Variants in NALF2 observed in about 807,000 individuals in gnomAD.
The protein encoded by NALF2 is NALCN channel auxiliary factor 2, also known as bB57D9.1 (TED protein).
In NALF2, 1 loss-of-function variant was observed where a neutral mutation model predicts 24.8. The ratio of observed to expected loss-of-function variants is 0.04; its 90% CI spans 0.01 to 0.19. The LOEUF (loss-of-function observed/expected upper bound fraction) is 0.19. Ranked by LOEUF, NALF2 falls within the 10% of genes least tolerant of loss-of-function variation. The pLI is 1.00. For missense variants in NALF2, 458 were observed against 409.6 expected, an observed-to-expected ratio of 1.12 and a Z score of -1.02; for synonymous variants, 254 against 189.8, an observed-to-expected ratio of 1.34 and a Z score of -2.78.
At chrX:69,525,512 G>A (rs988766417) in intron 1 of NALF2, among the ~76,000 whole-genome samples, 2 of 108,826 alleles carry the variant, frequency 1.8e-5, no homozygotes, top group Non-Finnish European at 3.8e-5. Flanking sequence ...TCCCCTTCTT[G>A]CGCTCTCTTA....
Position 69,505,189 on chromosome X carries a change from C to A in NALF2, c.-94C>A. The A allele has an allele frequency of 1.1e-6, 1 of 924,395 alleles. No homozygotes were observed. Among genetic ancestry groups the A allele is most frequent in the Non-Finnish European group, 1.4e-6 (1 of 698,824 alleles). 76.2% of individuals were successfully genotyped at this position (924,395 alleles called of 1,213,427 possible). ...CCCCCGAGGTAGAGCCTGGACGGCG[C>A]CGAGGAGCGCAGAGCGGCGCGCAGC... On this transcript the variant is annotated 5_prime_UTR_variant, in exon 1 of 3. Transcript: ENST00000252338.
chrX:69,506,189 C>T (rs1397257864), intron 1 of NALF2, 46 bp downstream of exon 1: 2 of 1,162,897 alleles, frequency 1.7e-6, no homozygotes, highest in Non-Finnish European at 1.2e-6. Context: ...TGGGCAGCGG[C>T]AGCGGCCGCA....
chrX:69,520,064 C>A (rs1347882149), intron 1 of NALF2, among the ~76,000 whole-genome samples: 2 of 112,303 alleles, frequency 1.8e-5, no homozygotes, highest in African/African-American at 3.2e-5. Context: ...TCATCTGATT[C>A]TTTTCCTCCA....
chrX:69,515,871 T>G (rs1642220368), intron 1 of NALF2, among the ~76,000 whole-genome samples: 1 of 112,341 alleles, frequency 8.9e-6, no homozygotes, highest in African/African-American at 3.2e-5. Flanking sequence ...TGCATCTTCC[T>G]TATGAAGTAC....
At chrX:69,525,172 G>A (rs752175109) in intron 1 of NALF2, among the ~76,000 whole-genome samples, 9 of 112,202 alleles carry the variant, frequency 8.0e-5, no homozygotes, top group Non-Finnish European at 1.5e-4. Flanking sequence ...TGGGCTAATT[G>A]CAGTTGCCTG....
chrX:69,519,725 CAG>C (rs1166375648), intron 1 of NALF2, among the ~76,000 whole-genome samples: 2 of 112,381 alleles, frequency 1.8e-5, no homozygotes, highest in Non-Finnish European at 3.8e-5. Flanking sequence ...ACCAGGCTAA[CAG>C]AGGACTGGAA....
Position 69,531,033 on chromosome X carries a change from A to T in NALF2, c.*1077A>T, listed in dbSNP as rs1433960754. ...ATACTCCCCTATCTTGTCCTAGCCC[A>T]GGCCTCCATGAAGGAGAACCTGGTG... is the stretch of plus-strand genomic sequence containing the variant. On this transcript the variant is annotated 3_prime_UTR_variant, in exon 3 of 3. Transcript: ENST00000252338. 1.8e-5 allele frequency: 2 copies of T among 112,683 alleles called. No individual in the cohort carries two copies. The highest frequency in any genetic ancestry group is 2.8e-4 in the East Asian group (1 of 3,552). 9.3% of individuals were successfully genotyped at this position (112,683 alleles called of 1,213,427 possible).
At chrX:69,523,397 G>C (rs992450571) in intron 1 of NALF2, among the ~76,000 whole-genome samples, 1 of 111,960 alleles carries the variant, frequency 8.9e-6, no homozygotes. Flanking sequence ...GCCAGAGCCA[G>C]AGGGTAAGGC....
chrX:69,519,826 C>G (rs1320196520), intron 1 of NALF2, among the ~76,000 whole-genome samples: 2 of 111,527 alleles, frequency 1.8e-5, no homozygotes, highest in Non-Finnish European at 3.8e-5. Flanking sequence ...CAATTTTATT[C>G]CCTCACATTT....
chrX:69,523,431 CAACTGCAG>C (rs1930760068), intron 1 of NALF2, among the ~76,000 whole-genome samples: 1 of 112,161 alleles, frequency 8.9e-6, no homozygotes, highest in African/African-American at 3.2e-5. Flanking sequence ...CCTAGATTGG[CAACTGCAG>C]AGCCCAGGAG....
chrX:69,517,681 G>A (rs765787430), intron 1 of NALF2, among the ~76,000 whole-genome samples: 7 of 112,016 alleles, frequency 6.2e-5, no homozygotes, highest in Non-Finnish European at 1.3e-4. Flanking sequence ...TGAGGAGCCA[G>A]AAGGCAAGTG....
At chrX:69,522,221 A>G (rs751565653) in intron 1 of NALF2, among the ~76,000 whole-genome samples, 14 of 112,347 alleles carry the variant, frequency 1.2e-4, no homozygotes, top group Non-Finnish European at 2.3e-4. Flanking sequence ...CCAACAGCAG[A>G]TAGGGCAGTG....
rs1033100964 is a variant in NALF2 at position 69,530,072 on chromosome X, TGGG to T, written c.*119_*121del. ...TAGGATAAGGTGGGGGCGGGGGAAA[TGGG>T]GGAATGACACATCCCCCCCAACCTA... On this transcript the variant is annotated 3_prime_UTR_variant, in exon 3 of 3. Transcript: ENST00000252338. 6.1e-6 allele frequency: 3 copies of T among 495,524 alleles called. No homozygotes were observed. Among genetic ancestry groups the T allele is most frequent in the African/African-American group, 2.5e-5 (1 of 40,417 alleles). 40.8% of individuals were successfully genotyped at this position (495,524 alleles called of 1,213,427 possible).
chrX:69,525,940 A>G (rs1930801217), intron 1 of NALF2, among the ~76,000 whole-genome samples: 1 of 108,141 alleles, frequency 9.2e-6, no homozygotes, highest in African/African-American at 3.4e-5. Context: ...CCTGCCTCCT[A>G]TTTTCACCTG....
chrX:69,520,593 C>T (rs990327467), intron 1 of NALF2, among the ~76,000 whole-genome samples: 1 of 111,649 alleles, frequency 9.0e-6, no homozygotes, highest in South Asian at 3.8e-4. Flanking sequence ...TGTCCAACTG[C>T]CTCCTCAACA....
intron 1 of NALF2, among the ~76,000 whole-genome samples, chrX:69,525,085 A>G (rs905373494): frequency 5.4e-5 from 6 of 111,183 alleles, no homozygotes; most frequent in African/African-American, 1.6e-4. Flanking sequence ...CCCTTCCCCA[A>G]CCTACCCTGG....
intron 1 of NALF2, among the ~76,000 whole-genome samples, chrX:69,521,550 G>A (rs188046027): frequency 9.0e-6 from 1 of 111,725 alleles, no homozygotes; most frequent in East Asian, 2.8e-4. Context: ...TACCTCAAAC[G>A]TGCTCAGAAC....
At chrX:69,519,903 G>A (rs1455473384) in intron 1 of NALF2, among the ~76,000 whole-genome samples, 10 of 112,076 alleles carry the variant, frequency 8.9e-5, no homozygotes, top group Non-Finnish European at 1.9e-5. Flanking sequence ...TCACCATAAT[G>A]AGACTGCCTC....
chrX:69,518,657 G>A (rs764331341), intron 1 of NALF2, among the ~76,000 whole-genome samples: 9 of 111,309 alleles, frequency 8.1e-5, no homozygotes, highest in Admixed American at 6.6e-4. Context: ...TCATTTATAT[G>A]TATCCTTGTA....
Sources: allele counts gnomAD v4.1 joint callset (sites outside exome capture counted in the v4.1 genomes callset), GRCh38; gene constraint gnomAD v4.1.1; transcripts MANE v1.5; gene names NCBI Gene and HGNC (gene_info 2026-07-23, HGNC 2026-07-21).